Variants in CCDC6 observed in about 807,000 individuals in gnomAD.
CCDC6 encodes the protein coiled-coil domain-containing protein 6.
A neutral mutation model predicts 56.6 loss-of-function variants in CCDC6; 20 were observed. The observed-to-expected ratio is 0.35, with a 90% CI of 0.25 to 0.51. The LOEUF (loss-of-function observed/expected upper bound fraction) is 0.51. Ranked by LOEUF, CCDC6 falls within the 20% of genes least tolerant of loss-of-function variation. The pLI is 0.95. For synonymous variants in CCDC6, 241 were observed against 234.4 expected (o/e 1.03, Z -0.26); for missense variants, 367 against 601.1 (o/e 0.61, Z 4.07).
chr10:59,845,480 G>A (rs1365164985), intron 2 of CCDC6, among the ~76,000 whole-genome samples: 3 of 148,488 alleles, frequency 2.0e-5, no homozygotes, highest in Admixed American at 6.9e-5. Flanking sequence ...CAGTTTTATT[G>A]TATTATCTAC....
chr10:59,837,493 C>T (rs901664402), intron 2 of CCDC6, among the ~76,000 whole-genome samples: 5 of 152,032 alleles, frequency 3.3e-5, no homozygotes, highest in African/African-American at 9.7e-5. Context: ...GCCTGTAATC[C>T]CAGCACTTGG....
chr10:59,851,775 T>C (rs775836255), intron 2 of CCDC6, among the ~76,000 whole-genome samples: 5 of 152,206 alleles, frequency 3.3e-5, no homozygotes, highest in Non-Finnish European at 5.9e-5. Flanking sequence ...GGTAATAATG[T>C]TGATAATTTT....
chr10:59,884,818 C>T (rs1459693349), intron 1 of CCDC6, among the ~76,000 whole-genome samples: 2 of 152,156 alleles, frequency 1.3e-5, no homozygotes, highest in African/African-American at 2.4e-5. Flanking sequence ...AATCCCAGCA[C>T]TTTGGGAGGC....
At chr10:59,900,755 G>A (rs2071498995) in intron 1 of CCDC6, among the ~76,000 whole-genome samples, 1 of 152,188 alleles carries the variant, frequency 6.6e-6, no homozygotes, top group African/African-American at 2.4e-5. Context: ...AGACTGTCAT[G>A]ACCTTTAAAA....
chr10:59,858,657 G>C (rs956814315), intron 1 of CCDC6, among the ~76,000 whole-genome samples: 1 of 152,190 alleles, frequency 6.6e-6, no homozygotes, highest in African/African-American at 2.4e-5. Context: ...TAATGCACAT[G>C]ACTAGAACAC....
chr10:59,901,453 GA>G (rs1479640426), intron 1 of CCDC6, among the ~76,000 whole-genome samples: 1 of 152,188 alleles, frequency 6.6e-6, no homozygotes. Flanking sequence ...ATTGGTTAAT[GA>G]AACCATTACA....
intron 1 of CCDC6, among the ~76,000 whole-genome samples, chr10:59,867,488 G>A (rs899287023): frequency 2.6e-5 from 4 of 152,174 alleles, no homozygotes; most frequent in Non-Finnish European, 5.9e-5. Flanking sequence ...TAAAACCGCA[G>A]TCTCCACAAC....
intron 1 of CCDC6, among the ~76,000 whole-genome samples, chr10:59,862,366 T>C (rs978221241): frequency 4.6e-5 from 7 of 151,306 alleles, no homozygotes; most frequent in African/African-American, 1.7e-4. Context: ...TGAACGCCTG[T>C]AGTCTCAGCT....
At chr10:59,855,340 G>T (rs1470674427) in intron 1 of CCDC6, among the ~76,000 whole-genome samples, 1 of 152,162 alleles carries the variant, frequency 6.6e-6, no homozygotes, top group Non-Finnish European at 1.5e-5. Flanking sequence ...GGCCAAGGTG[G>T]GTGGATCACG....
At chr10:59,797,942 T>C (rs1029411908) in intron 7 of CCDC6, among the ~76,000 whole-genome samples, 1 of 152,196 alleles carries the variant, frequency 6.6e-6, no homozygotes, top group Non-Finnish European at 1.5e-5. Context: ...CAGGTTTGGA[T>C]TGGGGTCCAT....
intron 7 of CCDC6, among the ~76,000 whole-genome samples, chr10:59,796,324 G>GTTTGT (rs146556072): frequency 7.0e-6 from 1 of 142,508 alleles, no homozygotes; most frequent in Admixed American, 6.9e-5. Context: ...TGATGGGGTT[G>GTTTGT]TTTTTTTCTT....
At chr10:59,869,678 C>T (rs1275554153) in intron 1 of CCDC6, among the ~76,000 whole-genome samples, 1 of 152,104 alleles carries the variant, frequency 6.6e-6, no homozygotes, top group Non-Finnish European at 1.5e-5. Flanking sequence ...CTCATACAAC[C>T]CGTGCTCATT....
intron 8 of CCDC6, 73 bp from the exon 9 acceptor site, chr10:59,793,184 T>C: frequency 1.6e-6 from 2 of 1,254,218 alleles, no homozygotes; most frequent in Non-Finnish European, 1.1e-6. Context: ...CAGCCTGACT[T>C]GGCACTGGGG....
intron 1 of CCDC6, among the ~76,000 whole-genome samples, chr10:59,883,559 C>G (rs2071362041): frequency 6.6e-6 from 1 of 152,218 alleles, no homozygotes; most frequent in Non-Finnish European, 1.5e-5. Context: ...TATGTCAGCA[C>G]AGGCTGATGA....
intron 1 of CCDC6, among the ~76,000 whole-genome samples, chr10:59,902,200 C>A (rs771827044): frequency 1.3e-5 from 2 of 152,044 alleles, no homozygotes; most frequent in Non-Finnish European, 2.9e-5. Context: ...TGAAACTAGT[C>A]GTTCATTAAA....
intron 3 of CCDC6, among the ~76,000 whole-genome samples, chr10:59,826,574 C>T (rs973307823): frequency 2.0e-5 from 3 of 152,162 alleles, no homozygotes; most frequent in Non-Finnish European, 4.4e-5. Context: ...GGCCAGGGAC[C>T]TCCCATCATC....
At chr10:59,851,734 G>C (rs192831349) in intron 2 of CCDC6, among the ~76,000 whole-genome samples, 2 of 152,152 alleles carry the variant, frequency 1.3e-5, no homozygotes. Flanking sequence ...AAAACATATG[G>C]GGGTGTTTCA....
At chr10:59,804,912 A>G (rs1232926183) in intron 6 of CCDC6, 1 of 186,838 alleles carries the variant, frequency 5.4e-6, no homozygotes, top group East Asian at 1.5e-4. Flanking sequence ...TGAAACTCAA[A>G]ACCAAGCAAG....
intron 5 of CCDC6, among the ~76,000 whole-genome samples, chr10:59,812,180 C>A (rs1044964397): frequency 6.6e-6 from 1 of 151,708 alleles, no homozygotes; most frequent in Non-Finnish European, 1.5e-5. Flanking sequence ...TGGCCTCTTC[C>A]AAAATATTAA....
Sources: gnomAD v4.1 joint callset for allele counts (sites outside exome capture counted in the v4.1 genomes callset) on GRCh38, gnomAD v4.1.1 for gene constraint, MANE v1.5 for transcripts, NCBI Gene and HGNC (gene_info 2026-07-23, HGNC 2026-07-21) for gene names.